Variants in WDR70 observed in about 807,000 individuals in gnomAD.
WDR70 encodes WD repeat domain 70.
Under a neutral mutation model 88.6 loss-of-function variants are expected in WDR70, and 53 were observed. The ratio of observed to expected loss-of-function variants is 0.60; its 90% CI spans 0.48 to 0.75. The LOEUF (loss-of-function observed/expected upper bound fraction) is 0.75. WDR70 is among the 30% of genes least tolerant of loss of function. The pLI is 0.00. For synonymous variants in WDR70, 280 were observed against 270.0 expected (o/e 1.04, Z -0.36); for missense variants, 610 against 823.2 (o/e 0.74, Z 3.17).
At chr5:37,393,766 C>T (rs1012249953) in intron 4 of WDR70, among the ~76,000 whole-genome samples, 35 of 152,116 alleles carry the variant, frequency 2.3e-4, no homozygotes, top group African/African-American at 6.5e-4. Context: ...CTGCAACCTT[C>T]GCCTCCCAGA....
chr5:37,559,798 T>A (rs2112372086), intron 9 of WDR70, among the ~76,000 whole-genome samples: 1 of 149,488 alleles, frequency 6.7e-6, no homozygotes, highest in East Asian at 2.0e-4. Flanking sequence ...TGAGCTGAGA[T>A]CACGCCGTTG....
chr5:37,424,911 A>G (rs532989183), intron 5 of WDR70, among the ~76,000 whole-genome samples: 2 of 152,328 alleles, frequency 1.3e-5, no homozygotes, highest in Admixed American at 1.3e-4. Context: ...AGACAAAAAA[A>G]ATCTTGCTTT....
chr5:37,692,338 A>T (rs537938753), intron 10 of WDR70, among the ~76,000 whole-genome samples: 2 of 152,198 alleles, frequency 1.3e-5, no homozygotes, highest in African/African-American at 4.8e-5. Context: ...ATCAATGGAA[A>T]AAGAGGGAAT....
intron 10 of WDR70, among the ~76,000 whole-genome samples, chr5:37,620,628 T>A (rs1744482926): frequency 6.6e-6 from 1 of 152,198 alleles, no homozygotes; most frequent in African/African-American, 2.4e-5. Context: ...TTTTTTTTTG[T>A]ATCCCGATTT....
chr5:37,551,206 G>A (rs369898022), intron 9 of WDR70, among the ~76,000 whole-genome samples: 2 of 151,958 alleles, frequency 1.3e-5, no homozygotes, highest in East Asian at 3.9e-4. Context: ...TCAGGAGGCC[G>A]AGGCAGGAGA....
chr5:37,588,974 A>C (rs866936148), intron 9 of WDR70, among the ~76,000 whole-genome samples: 3 of 152,030 alleles, frequency 2.0e-5, no homozygotes, highest in Admixed American at 6.6e-5. Context: ...CATGTTGGCC[A>C]GGCTAGTCTC....
Position 37,486,978 on chromosome 5 carries a change from T to C in WDR70, c.840+6991T>C, listed in dbSNP as rs187392156. Reference sequence around the variant, plus strand: ...AAGCTTCAAGAAGAAAGGAATCCGATTGGTTCTGTGTCTGTCTCTTTTGGT... The same window carrying C: ...AAGCTTCAAGAAGAAAGGAATCCGACTGGTTCTGTGTCTGTCTCTTTTGGT... On this transcript the variant is annotated intron_variant, in intron 8 of 17. Transcript: ENST00000265107. Among the ~76,000 whole-genome samples, 351 of 152,298 alleles carry C rather than the reference T, an allele frequency of 2.3e-3. 2 individuals carry two copies. The highest frequency in any genetic ancestry group is 8.2e-3 in the African/African-American group (339 of 41,564).
Position 37,605,181 on chromosome 5 carries a change from C to T in WDR70, c.1035C>T (p.Asn345=). 6 of 1,612,814 alleles carry T rather than the reference C, an allele frequency of 3.7e-6. No individual in the cohort carries two copies. Among genetic ancestry groups the T allele is most frequent in the Non-Finnish European group, 5.1e-6 (6 of 1,179,314 alleles). ...CGTGCACATATAGTAGAGATGGAAA[C>T]CTCATAGCAGCTGCCTGCCAGAATG... ...PTTCTYSRDG[N]LIAAACQNGS... Residue 345 remains asparagine (N), a synonymous_variant, in exon 10 of 18, where the codon AAC becomes AAT. Transcript: ENST00000265107.
intron 7 of WDR70, among the ~76,000 whole-genome samples, chr5:37,450,349 C>G (rs1391922231): frequency 1.3e-5 from 2 of 152,102 alleles, no homozygotes; most frequent in Non-Finnish European, 2.9e-5. Context: ...GATGTCACTG[C>G]TCTTAGGCTG....
At chr5:37,653,212 C>A (rs1178983461) in intron 10 of WDR70, among the ~76,000 whole-genome samples, 1 of 152,032 alleles carries the variant, frequency 6.6e-6, no homozygotes, top group African/African-American at 2.4e-5. Context: ...TGTTTTTTGT[C>A]ATTGATTCTG....
At chr5:37,616,533 C>T (rs541676925) in intron 10 of WDR70, among the ~76,000 whole-genome samples, 45 of 152,300 alleles carry the variant, frequency 3.0e-4, no homozygotes, top group Admixed American at 2.0e-3. Flanking sequence ...CCCACAAGCC[C>T]CCCGCTGCTG....
At chr5:37,409,930 A>G (rs1749470279) in intron 5 of WDR70, among the ~76,000 whole-genome samples, 1 of 152,198 alleles carries the variant, frequency 6.6e-6, no homozygotes, top group African/African-American at 2.4e-5. Flanking sequence ...ATTTTTTCAA[A>G]GACATGTCAA....
intron 10 of WDR70, among the ~76,000 whole-genome samples, chr5:37,630,712 A>G (rs936233253): frequency 7.9e-5 from 12 of 152,178 alleles, no homozygotes; most frequent in Admixed American, 6.5e-4. Flanking sequence ...TGACATTCAT[A>G]TATAATGTAT....
intron 5 of WDR70, among the ~76,000 whole-genome samples, chr5:37,401,213 A>G (rs1167470054): frequency 2.4e-5 from 3 of 126,464 alleles, no homozygotes; most frequent in Admixed American, 9.8e-5. Flanking sequence ...GTCTTACTAC[A>G]TTGCCCAGCT....
intron 17 of WDR70, among the ~76,000 whole-genome samples, chr5:37,728,365 A>AAAC (rs1554015300): frequency 8.8e-4 from 20 of 22,604 alleles, no homozygotes; most frequent in African/African-American, 1.8e-3. Context: ...AAAAAAAAAC[A>AAAC]AAAAAAAAAA....
chr5:37,413,677 G>A (rs187751144), intron 5 of WDR70, among the ~76,000 whole-genome samples: 43 of 144,976 alleles, frequency 3.0e-4, no homozygotes, highest in African/African-American at 9.6e-4. Flanking sequence ...AGCCGAGATC[G>A]CACCACTGCA....
intron 9 of WDR70, among the ~76,000 whole-genome samples, chr5:37,592,357 A>G (rs1406114180): frequency 6.6e-6 from 1 of 152,234 alleles, no homozygotes; most frequent in Non-Finnish European, 1.5e-5. Flanking sequence ...TGGCATCATC[A>G]TCATTCCTGA....
rs1394300067 is a variant in WDR70, at chr5:37,381,643, C to T, written c.133C>T (p.Gln45Ter). The T allele has an allele frequency of 6.2e-7, 1 of 1,612,058 alleles. No individual in the cohort carries two copies. The highest frequency in any genetic ancestry group is 1.3e-5 in the African/African-American group (1 of 74,886). The change falls in exon 3 of 18, where the codon CAA becomes TAA. Residue 45 changes from glutamine to a stop codon, truncating the protein, a stop_gained. Coordinates refer to ENST00000265107, the MANE Select transcript of WDR70 (RefSeq NM_018034.4). LOFTEE classifies it high-confidence loss of function. The stretch of plus-strand genomic sequence containing the variant: ...ATTTGACTTGGAAGCAATGTTTGAA[C>T]AAACTCGAAGGACAGCTGTGGAAAG... ...RTFDLEAMFE[Q>*]TRRTAVERSR... is the part of the protein sequence containing the mutation.
intron 9 of WDR70, among the ~76,000 whole-genome samples, chr5:37,574,081 G>C (rs1742987087): frequency 6.6e-6 from 1 of 152,180 alleles, no homozygotes; most frequent in African/African-American, 2.4e-5. Context: ...ACCTATGGAA[G>C]TTGAGAGGGG....
Sources: allele counts gnomAD v4.1 joint callset (sites outside exome capture counted in the v4.1 genomes callset), GRCh38; gene constraint gnomAD v4.1.1; transcripts MANE v1.5; gene names NCBI Gene and HGNC (gene_info 2026-07-23, HGNC 2026-07-21).